VPS36: variants seen among roughly 807,000 people sequenced by gnomAD.
VPS36 encodes the protein vacuolar protein-sorting-associated protein 36.
VPS36 carries 31 observed loss-of-function variants against 63.5 expected under a neutral mutation model. That is an observed-to-expected ratio of 0.49 (90% confidence interval 0.37 to 0.66). The LOEUF (loss-of-function observed/expected upper bound fraction) is 0.66, where lower values mean the gene tolerates loss of function less well. Ranked by LOEUF, VPS36 falls within the 30% of genes least tolerant of loss-of-function variation. VPS36 has a pLI of 0.00. For missense variants in VPS36, 338 were observed against 463.7 expected (o/e 0.73, Z 2.49); for synonymous variants, 138 against 157.2 (o/e 0.88, Z 0.91).
chr13:52,421,734 G>C (rs970293753), intron 10 of VPS36, among the ~76,000 whole-genome samples: 14 of 151,934 alleles, frequency 9.2e-5, no homozygotes, highest in African/African-American at 3.4e-4. Flanking sequence ...ATGTTGGCCA[G>C]ACTGGTCTCG....
intron 10 of VPS36, among the ~76,000 whole-genome samples, chr13:52,422,196 T>C (rs1232121977): frequency 6.6e-6 from 1 of 152,202 alleles, no homozygotes; most frequent in Non-Finnish European, 1.5e-5. Flanking sequence ...AGCTCGCACA[T>C]GAGTGAGAAC....
intron 2 of VPS36, among the ~76,000 whole-genome samples, chr13:52,441,172 C>T (rs1450911097): frequency 1.3e-5 from 2 of 152,090 alleles, no homozygotes; most frequent in African/African-American, 2.4e-5. Flanking sequence ...GCATTATCAA[C>T]AGGGGCAATA....
chr13:52,433,152 T>C (rs1231130028), intron 6 of VPS36, among the ~76,000 whole-genome samples: 1 of 152,188 alleles, frequency 6.6e-6, no homozygotes, highest in African/African-American at 2.4e-5. Context: ...TCATATATCA[T>C]GAAGCCTCAG....
At chr13:52,439,013 A>G in intron 3 of VPS36, 85 bp downstream of exon 3, 2 of 1,214,010 alleles carry the variant, frequency 1.6e-6, no homozygotes, top group African/African-American at 3.0e-5. Flanking sequence ...GGATTCGTAC[A>G]TCAAGTCTAA....
intron 1 of VPS36, among the ~76,000 whole-genome samples, chr13:52,448,868 ACT>A (rs1199015743): frequency 6.6e-6 from 1 of 152,186 alleles, no homozygotes; most frequent in Non-Finnish European, 1.5e-5. Flanking sequence ...CAGATCTAAC[ACT>A]GTCAACATTC....
At chr13:52,432,178 C>T (rs150566943) in intron 6 of VPS36, among the ~76,000 whole-genome samples, 106 of 152,144 alleles carry the variant, frequency 7.0e-4, no homozygotes, top group African/African-American at 1.0e-3. Context: ...GGTGAAACCC[C>T]GTCTCTACTA....
chr13:52,415,970 C>T (rs1470502172), intron 13 of VPS36, 47 bp from the exon 14 acceptor site: 3 of 1,612,320 alleles, frequency 1.9e-6, no homozygotes, highest in Non-Finnish European at 2.5e-6. Flanking sequence ...TCTGTTCATG[C>T]AGACACACAA....
rs1004017316 is a variant in VPS36, at chr13:52,416,262, T to C, written c.991-169A>G. 3.5e-5 allele frequency: 23 copies of C among 658,496 alleles called. No homozygotes were observed. The African/African-American group carries it at 3.7e-4, about 10-fold the overall frequency. The allele number at this position is 658,496 out of a possible 1,614,324, so 40.8% of individuals were successfully genotyped here. Reference sequence around the variant, plus strand: ...ATTCACACTATAACTAAATTTTAACTAATGCTTAATCCTACAAAAGTTGAA... The same window carrying C: ...ATTCACACTATAACTAAATTTTAACCAATGCTTAATCCTACAAAAGTTGAA... On this transcript the variant is annotated intron_variant, in intron 12 of 13. Coordinates refer to ENST00000378060, the MANE Select transcript of VPS36 (RefSeq NM_016075.4).
chr13:52,418,365 A>C (rs1020736811), intron 10 of VPS36, among the ~76,000 whole-genome samples: 10 of 152,056 alleles, frequency 6.6e-5, no homozygotes, highest in African/African-American at 2.4e-4. Flanking sequence ...TTACAAGGTC[A>C]GTAATTCGAG....
chr13:52,438,094 T>C (rs1439801413), intron 3 of VPS36, among the ~76,000 whole-genome samples: 2 of 152,150 alleles, frequency 1.3e-5, no homozygotes, highest in South Asian at 2.1e-4. Flanking sequence ...TCCTCCTCAC[T>C]GGACATGTTT....
intron 1 of VPS36, among the ~76,000 whole-genome samples, chr13:52,446,476 G>T (rs1178917629): frequency 6.6e-6 from 1 of 152,134 alleles, no homozygotes; most frequent in Non-Finnish European, 1.5e-5. Context: ...TCCCTTTCAG[G>T]ATTCCAGTGG....
chr13:52,431,324 A>T (rs142723158), intron 6 of VPS36, among the ~76,000 whole-genome samples: 361 of 152,332 alleles, frequency 2.4e-3, no homozygotes, highest in African/African-American at 6.9e-3. Flanking sequence ...AGAAAAGATA[A>T]GTACGCTCTT....
chr13:52,428,393 G>A (rs1195077192), intron 6 of VPS36, among the ~76,000 whole-genome samples: 1 of 152,156 alleles, frequency 6.6e-6, no homozygotes, highest in African/African-American at 2.4e-5. Context: ...ATGCCCATCT[G>A]CAGGAAAGCA....
At chr13:52,418,675 A>G (rs770175586) in intron 10 of VPS36, among the ~76,000 whole-genome samples, 6 of 152,164 alleles carry the variant, frequency 3.9e-5, no homozygotes, top group Non-Finnish European at 5.9e-5. Context: ...AATTCAACAT[A>G]TAATCAATAC....
At chr13:52,449,027 T>C (rs1958372192) in intron 1 of VPS36, among the ~76,000 whole-genome samples, 1 of 152,210 alleles carries the variant, frequency 6.6e-6, no homozygotes, top group Non-Finnish European at 1.5e-5. Context: ...GGAAGACTCA[T>C]CTTGAGATCA....
At chr13:52,423,929 C>T (rs770750275) in intron 9 of VPS36, among the ~76,000 whole-genome samples, 31 of 152,100 alleles carry the variant, frequency 2.0e-4, no homozygotes, top group Non-Finnish European at 4.1e-4. Context: ...ACAATCTCAG[C>T]TCACTGCAAC....
At chr13:52,444,560 A>G (rs1350220986) in intron 1 of VPS36, among the ~76,000 whole-genome samples, 1 of 147,786 alleles carries the variant, frequency 6.8e-6, no homozygotes, top group Non-Finnish European at 1.5e-5. Context: ...ATATGTATAT[A>G]TACACATATA....
At chr13:52,446,099 TAAAAAATA>T (rs976751517) in intron 1 of VPS36, among the ~76,000 whole-genome samples, 8 of 137,180 alleles carry the variant, frequency 5.8e-5, no homozygotes, top group African/African-American at 1.9e-4. Flanking sequence ...AAATAAAAAA[TAAAAAATA>T]AAAAAAAAAA....
intron 3 of VPS36, 67 bp from the exon 4 acceptor site, chr13:52,436,471 T>C: frequency 9.0e-7 from 1 of 1,115,072 alleles, no homozygotes; most frequent in Non-Finnish European, 1.3e-6. Context: ...TCTACTTTTA[T>C]AACTTTTTAT....
Sources: gnomAD v4.1 joint callset for allele counts (sites outside exome capture counted in the v4.1 genomes callset) on GRCh38, gnomAD v4.1.1 for gene constraint, MANE v1.5 for transcripts, NCBI Gene and HGNC (gene_info 2026-07-23, HGNC 2026-07-21) for gene names.